Variants in PTPRT observed in about 807,000 individuals in gnomAD.
The protein encoded by PTPRT is receptor-type tyrosine-protein phosphatase T.
A neutral mutation model predicts 176.8 loss-of-function variants in PTPRT; 56 were observed. The observed-to-expected ratio is 0.32, with a 90% CI of 0.26 to 0.40. The LOEUF (loss-of-function observed/expected upper bound fraction) is 0.40, where lower values mean the gene tolerates loss of function less well. Ranked by LOEUF, PTPRT falls within the 10% of genes least tolerant of loss-of-function variation. The probability of loss-of-function intolerance (pLI) is 1.00; values close to 1 mark genes in which losing one functional copy is unlikely to be tolerated. For missense variants in PTPRT, 1,540 were observed against 1,908.2 expected (o/e 0.81, Z 3.60); for synonymous variants, 783 against 739.0 (o/e 1.06, Z -0.96).
intron 6 of PTPRT, among the ~76,000 whole-genome samples, chr20:42,708,235 G>C (rs1205210163): frequency 1.3e-5 from 2 of 152,084 alleles, no homozygotes; most frequent in African/African-American, 4.8e-5. Context: ...TTAGTTCAAA[G>C]TTGTCATTAG....
At chr20:42,797,684 T>C (rs993957086) in intron 2 of PTPRT, among the ~76,000 whole-genome samples, 2 of 152,208 alleles carry the variant, frequency 1.3e-5, no homozygotes, top group Non-Finnish European at 2.9e-5. Context: ...ATTAAGGTTA[T>C]TAACCAGATA....
intron 11 of PTPRT, among the ~76,000 whole-genome samples, chr20:42,319,766 C>G (rs887810837): frequency 1.3e-5 from 2 of 152,144 alleles, no homozygotes; most frequent in African/African-American, 4.8e-5. Flanking sequence ...CATTCTCATT[C>G]TCTTGAGAAT....
At chr20:42,843,213 A>G (rs1012003479) in intron 2 of PTPRT, among the ~76,000 whole-genome samples, 1 of 152,246 alleles carries the variant, frequency 6.6e-6, no homozygotes, top group Non-Finnish European at 1.5e-5. Flanking sequence ...AATAAACTAT[A>G]GCTATTAATA....
At chr20:42,126,442 T>C (rs1987861114) in intron 19 of PTPRT, among the ~76,000 whole-genome samples, 1 of 152,212 alleles carries the variant, frequency 6.6e-6, no homozygotes, top group African/African-American at 2.4e-5. Context: ...TGGGTAGTAG[T>C]GGTACTTACC....
At chr20:43,034,545 A>T (rs1986295256) in intron 1 of PTPRT, among the ~76,000 whole-genome samples, 1 of 72,850 alleles carries the variant, frequency 1.4e-5, no homozygotes, top group Non-Finnish European at 2.3e-5. Context: ...TTCACTAATT[A>T]AAAAAAAAAA....
intron 1 of PTPRT, among the ~76,000 whole-genome samples, chr20:42,996,850 G>C (rs1032595535): frequency 6.6e-6 from 1 of 152,120 alleles, no homozygotes; most frequent in Non-Finnish European, 1.5e-5. Context: ...TGTAAAATGG[G>C]AACAATAGTA....
At chr20:42,548,331 T>C (rs763914733) in intron 7 of PTPRT, among the ~76,000 whole-genome samples, 4 of 152,054 alleles carry the variant, frequency 2.6e-5, no homozygotes, top group Non-Finnish European at 5.9e-5. Flanking sequence ...AATAGTGGAA[T>C]TGAATAATGA....
At chr20:42,444,283 C>T (rs1322148118) in intron 9 of PTPRT, among the ~76,000 whole-genome samples, 1 of 144,104 alleles carries the variant, frequency 6.9e-6, no homozygotes, top group African/African-American at 2.6e-5. Context: ...CTTTGGCTGG[C>T]TTATAGGCAA....
intron 1 of PTPRT, among the ~76,000 whole-genome samples, chr20:43,009,950 T>A (rs1985036985): frequency 6.6e-6 from 1 of 152,094 alleles, no homozygotes. Context: ...CCAGAGCCAG[T>A]GTGAACTCAA....
intron 6 of PTPRT, among the ~76,000 whole-genome samples, chr20:42,737,239 C>T (rs1442671425): frequency 1.3e-5 from 2 of 152,164 alleles, no homozygotes; most frequent in Admixed American, 6.5e-5. Context: ...CAGAAACACA[C>T]AGAGAGAAGA....
chr20:42,081,626 G>T (rs183733913), intron 30 of PTPRT, among the ~76,000 whole-genome samples: 1 of 152,166 alleles, frequency 6.6e-6, no homozygotes, highest in Non-Finnish European at 1.5e-5. Context: ...TAATGACACT[G>T]TCTTAAGGAA....
At chr20:42,667,608 T>G (rs1230019116) in intron 7 of PTPRT, among the ~76,000 whole-genome samples, 1 of 152,246 alleles carries the variant, frequency 6.6e-6, no homozygotes, top group Non-Finnish European at 1.5e-5. Flanking sequence ...GACTCACTTT[T>G]TCTTCAAATT....
intron 1 of PTPRT, among the ~76,000 whole-genome samples, chr20:43,078,230 G>T (rs1486268505): frequency 3.3e-5 from 5 of 152,156 alleles, no homozygotes; most frequent in Admixed American, 1.3e-4. Context: ...AGTTAGATTT[G>T]TCATTATAAA....
intron 1 of PTPRT, among the ~76,000 whole-genome samples, chr20:42,949,364 C>T (rs942358084): frequency 1.3e-5 from 2 of 152,008 alleles, no homozygotes; most frequent in Admixed American, 1.3e-4. Flanking sequence ...CTGAGGTGGC[C>T]ATGATGGAAG....
chr20:42,133,401 C>T (rs564723159), intron 18 of PTPRT, among the ~76,000 whole-genome samples: 4 of 152,272 alleles, frequency 2.6e-5, no homozygotes, highest in African/African-American at 9.6e-5. Context: ...ATGGAGGAAA[C>T]TTAAATGCAT....
intron 1 of PTPRT, among the ~76,000 whole-genome samples, chr20:43,127,146 G>A (rs182700064): frequency 1.5e-4 from 23 of 152,136 alleles, no homozygotes; most frequent in Non-Finnish European, 2.8e-4. Flanking sequence ...CATGGCGGCC[G>A]GGCGCGGTGG....
chr20:43,187,787 G>A (rs1216122786), intron 1 of PTPRT, among the ~76,000 whole-genome samples: 2 of 152,210 alleles, frequency 1.3e-5, no homozygotes, highest in African/African-American at 4.8e-5. Context: ...AAGAAAAGGT[G>A]CTCGCTCCTC....
chr20:42,947,177 C>A lies in PTPRT; in HGVS notation c.89-61245G>T, dbSNP rs147478839. 5.6e-3 allele frequency among the ~76,000 whole-genome samples: 848 copies of A among 152,272 alleles called. 7 individuals are homozygous for A. The highest frequency in any genetic ancestry group is 0.02 in the African/African-American group (816 of 41,546). ...TGTGCCCGTACTACCTGCATTCCAC[C>A]CAATTCCCAGCCACTCACAGGCAGC... On this transcript the variant is annotated intron_variant, in intron 1 of 30. Transcript: ENST00000373187.
At chr20:42,182,087 G>A (rs1237889259) in intron 16 of PTPRT, among the ~76,000 whole-genome samples, 1 of 152,156 alleles carries the variant, frequency 6.6e-6, no homozygotes, top group Non-Finnish European at 1.5e-5. Flanking sequence ...TGTTTTCAAA[G>A]AATAGGAAGG....
Sources: gnomAD v4.1 joint callset for allele counts (sites outside exome capture counted in the v4.1 genomes callset) on GRCh38, gnomAD v4.1.1 for gene constraint, MANE v1.5 for transcripts, NCBI Gene and HGNC (gene_info 2026-07-23, HGNC 2026-07-21) for gene names.